The following RPGRIP1L variants were observed in gnomAD, a reference collection of about 807,000 sequenced individuals.
RPGRIP1L encodes RPGRIP1 like, also known as protein fantom.
Under a neutral mutation model 160.4 loss-of-function variants are expected in RPGRIP1L, and 131 were observed. That is an observed-to-expected ratio of 0.82 (90% CI 0.71 to 0.94). RPGRIP1L has a LOEUF of 0.94. Among genes scored for constraint, RPGRIP1L ranks in the 40% least tolerant of loss-of-function variants. The pLI is 0.00. For synonymous variants in RPGRIP1L, 510 were observed against 515.8 expected, an observed-to-expected ratio of 0.99 and a Z score of 0.15; for missense variants, 1,522 against 1,535.8, an observed-to-expected ratio of 0.99 and a Z score of 0.15.
In RPGRIP1L at chr16:53,605,487, T is replaced by C. The variant is rs770410795; in HGVS notation, c.3829A>G (p.Ile1277Val). ...QEGRDLIEQNIDVFDARADGE... is the reference protein window; with the variant it reads ...QEGRDLIEQNVDVFDARADGE... ...GCAACACTTTCACCCATACCATCGA[T>C]ATTTTGCTCAATGAGGTCCCTCCCT... Residue 1277 changes from isoleucine to valine, a missense_variant, in exon 26 of 27, where the codon ATC becomes GTC. Ile to Val is a conservative substitution (Grantham distance 29). Coordinates refer to ENST00000647211, the MANE Select transcript of RPGRIP1L (RefSeq NM_015272.5). 212 of 1,614,038 alleles carry C rather than the reference T, an allele frequency of 1.3e-4. No homozygotes were observed. The highest frequency in any genetic ancestry group is 1.7e-4 in the Non-Finnish European group (206 of 1,180,038).
intron 3 of RPGRIP1L, chr16:53,693,360 A>G (rs1178393825): frequency 6.6e-6 from 1 of 152,256 alleles, no homozygotes; most frequent in Non-Finnish European, 1.5e-5. Context: ...TATGGACAGA[A>G]GCTTTTACTT....
chr16:53,680,411 G>A (rs1462832690), intron 6 of RPGRIP1L, among the ~76,000 whole-genome samples: 1 of 152,050 alleles, frequency 6.6e-6, no homozygotes, highest in Non-Finnish European at 1.5e-5. Context: ...AATCCAAACT[G>A]AGGGACATTC....
intron 26 of RPGRIP1L, among the ~76,000 whole-genome samples, chr16:53,602,486 A>G (rs1374502511): frequency 6.6e-6 from 1 of 152,156 alleles, no homozygotes; most frequent in Non-Finnish European, 1.5e-5. Context: ...CAGAATTTTT[A>G]AGCTACTGGA....
At chr16:53,656,694 A>G (rs1967286771) in intron 13 of RPGRIP1L, 105 bp from the exon 14 acceptor site, 1 of 853,364 alleles carries the variant, frequency 1.2e-6, no homozygotes, top group East Asian at 2.5e-5. Context: ...AAATAGTAGG[A>G]GCTATGAACC....
chr16:53,646,285 T>C, intron 16 of RPGRIP1L, among the ~76,000 whole-genome samples: 1 of 152,188 alleles, frequency 6.6e-6, no homozygotes, highest in East Asian at 1.9e-4. Flanking sequence ...TAATCTGATG[T>C]TCTTCAATTC....
intron 25 of RPGRIP1L, among the ~76,000 whole-genome samples, chr16:53,607,142 CT>C (rs11298762): frequency 0.38 from 58,294 of 151,872 alleles, 12,963 homozygotes; most frequent in African/African-American, 0.6. Context: ...AGACAAGTTA[CT>C]TTAACCTCTC....
chr16:53,665,336 C>G lies in RPGRIP1L; in HGVS notation c.1104-327G>C, dbSNP rs937502912. 3.3e-5 allele frequency among the ~76,000 whole-genome samples: 5 copies of G among 152,178 alleles called. No individual in the cohort carries two copies. The South Asian group carries it at 6.2e-4, about 19-fold the overall frequency. On this transcript the variant is annotated intron_variant, in intron 9 of 26. Transcript: ENST00000647211. ...CAGAGGAATCCACAATTCCAAAACTCAGCAATTGACATCGGACAAAACCAT... is the reference window on the plus strand; with the variant it reads ...CAGAGGAATCCACAATTCCAAAACTGAGCAATTGACATCGGACAAAACCAT...
rs527470136 is a variant in RPGRIP1L, at chr16:53,697,691, T to A, written c.86-1396A>T. On this transcript the variant is annotated intron_variant, in intron 2 of 26. Coordinates refer to ENST00000647211, the MANE Select transcript of RPGRIP1L (RefSeq NM_015272.5). ...CAATGGTGCCCAGGCTGGAGTGCAG[T>A]GGCGTGATCTCGGCTCGCTACAACC... 1.5e-4 allele frequency among the ~76,000 whole-genome samples: 23 copies of A among 152,204 alleles called. No homozygotes were observed. The East Asian group carries it at 4.5e-3, about 29-fold the overall frequency.
rs1963294970 is a variant in RPGRIP1L at position 53,599,568 on chromosome 16, G to A, written c.*2508C>T. On this transcript the variant is annotated 3_prime_UTR_variant, in exon 27 of 27. Transcript: ENST00000647211. ...AAAAAGTGCTGCGTGCACTGGTCTA[G>A]TTACACCAAGAAGTGTATGTTCACA... 6.6e-6 allele frequency: 1 copy of A among 152,174 alleles called. No individual in the cohort carries two copies. The highest frequency in any genetic ancestry group is 2.1e-4 in the South Asian group (1 of 4,832). 9.4% of individuals were successfully genotyped at this position (152,174 alleles called of 1,614,324 possible).
chr16:53,633,637 G>C (rs1401904021), intron 22 of RPGRIP1L, among the ~76,000 whole-genome samples: 1 of 152,136 alleles, frequency 6.6e-6, no homozygotes. Flanking sequence ...TAATTGTTCT[G>C]AAGTGTTTAG....
intron 9 of RPGRIP1L, among the ~76,000 whole-genome samples, chr16:53,668,927 T>C: frequency 6.6e-6 from 1 of 152,166 alleles, no homozygotes; most frequent in East Asian, 1.9e-4. Context: ...TTCTCTAATA[T>C]GTCATATGTC....
intron 6 of RPGRIP1L, among the ~76,000 whole-genome samples, chr16:53,676,833 C>T (rs1178486589): frequency 6.6e-6 from 1 of 152,016 alleles, no homozygotes; most frequent in African/African-American, 2.4e-5. Context: ...CGGGTTTTCA[C>T]TGTGTTAGCC....
At chr16:53,607,915 T>C (rs765554655) in intron 25 of RPGRIP1L, 151 of 880,796 alleles carry the variant, frequency 1.7e-4, no homozygotes, top group Non-Finnish European at 2.0e-4. Flanking sequence ...AAATCTTTTA[T>C]CTTACTTTCA....
intron 16 of RPGRIP1L, among the ~76,000 whole-genome samples, chr16:53,646,278 T>C (rs568123600): frequency 8.9e-4 from 136 of 152,252 alleles, no homozygotes; most frequent in African/African-American, 3.2e-3. Context: ...AAAATGTTAA[T>C]CTGATGTTCT....
chr16:53,614,353 T>A (rs1236645545), intron 24 of RPGRIP1L, among the ~76,000 whole-genome samples: 1 of 152,172 alleles, frequency 6.6e-6, no homozygotes, highest in Non-Finnish European at 1.5e-5. Flanking sequence ...CACAACCCCT[T>A]AAAAGGCTTG....
chr16:53,641,398 G>A lies in RPGRIP1L; in HGVS notation c.2761C>T (p.Leu921Phe), dbSNP rs752374495. ...GTTGTTATTGATCCACTTGGTGGAAGGTAAGCAAATTTCCATTTCAATATA... is the reference window on the plus strand; with the variant it reads ...GTTGTTATTGATCCACTTGGTGGAAAGTAAGCAAATTTCCATTTCAATATA... ...HVILKWKFAY[L>F]PPSGSITTED... Residue 921 changes from leucine to phenylalanine, a missense_variant, in exon 18 of 27, where the codon CTT (leucine) becomes TTT (phenylalanine). By Grantham distance (22) the Leu-to-Phe change is conservative. Coordinates refer to ENST00000647211, the MANE Select transcript of RPGRIP1L (RefSeq NM_015272.5). 6.2e-7 allele frequency: 1 copy of A among 1,614,022 alleles called. No individual in the cohort carries two copies. The highest frequency in any genetic ancestry group is 1.3e-5 in the African/African-American group (1 of 75,036).
Position 53,638,459 on chromosome 16 carries a change from C to T in RPGRIP1L, c.2959-48G>A, listed in dbSNP as rs779454020. 7 of 1,030,452 alleles carry T rather than the reference C, an allele frequency of 6.8e-6. No homozygotes were observed. In the East Asian group the frequency reaches 7.2e-5, roughly 11 times the overall value. The allele number at this position is 1,030,452 out of a possible 1,614,324, so 63.8% of individuals were successfully genotyped here. On this transcript the variant is annotated intron_variant, in intron 19 of 26. Coordinates refer to ENST00000647211, the MANE Select transcript of RPGRIP1L (RefSeq NM_015272.5). ...CATGTATGTCATTTTTTATTTATTA[C>T]TAAATCCCAAATCATTCTATCATAT... is the stretch of plus-strand genomic sequence containing the variant.
chr16:53,669,863 T>C (rs1188764994), intron 9 of RPGRIP1L, among the ~76,000 whole-genome samples: 1 of 152,108 alleles, frequency 6.6e-6, no homozygotes, highest in African/African-American at 2.4e-5. Context: ...AAAAAAAGAA[T>C]TCAAGTTTTA....
chr16:53,696,433 G>T, intron 2 of RPGRIP1L, 138 bp from the exon 3 acceptor site: 1 of 826,906 alleles, frequency 1.2e-6, no homozygotes, highest in Non-Finnish European at 2.0e-6. Flanking sequence ...TTTAGAAAAT[G>T]TTGTACCATT....
Sources: allele counts gnomAD v4.1 joint callset (sites outside exome capture counted in the v4.1 genomes callset), GRCh38; gene constraint gnomAD v4.1.1; transcripts MANE v1.5; gene names NCBI Gene and HGNC (gene_info 2026-07-23, HGNC 2026-07-21).